The following BCAS3 variants were observed in gnomAD, a reference collection of about 807,000 sequenced individuals.
BCAS3 encodes the protein BCAS3 microtubule associated cell migration factor.
In BCAS3, 53 loss-of-function variants were observed where a neutral mutation model predicts 116.1. That is an observed-to-expected ratio of 0.46 (90% CI 0.37 to 0.57). The LOEUF is 0.57. Ranked by LOEUF, BCAS3 falls within the 20% of genes least tolerant of loss-of-function variation. The pLI is 0.00. For missense variants in BCAS3, 917 were observed against 1,165.4 expected, an observed-to-expected ratio of 0.79 and a Z score of 3.10; for synonymous variants, 391 against 408.2, an observed-to-expected ratio of 0.96 and a Z score of 0.51.
intron 14 of BCAS3, 110 bp from the exon 15 acceptor site, chr17:60,989,861 C>T: frequency 1.7e-6 from 2 of 1,177,984 alleles, no homozygotes; most frequent in Non-Finnish European, 2.4e-6. Flanking sequence ...ATCTTAGGTA[C>T]ATTTGGTAAT....
intron 14 of BCAS3, among the ~76,000 whole-genome samples, chr17:60,952,520 A>G (rs1021262889): frequency 3.9e-5 from 6 of 151,912 alleles, no homozygotes; most frequent in Non-Finnish European, 8.8e-5. Context: ...GGGTTTCACT[A>G]TGTTGGTCAG....
Position 60,983,277 on chromosome 17 carries a change from G to A in BCAS3, c.1222-6694G>A, listed in dbSNP as rs540489095. On this transcript the variant is annotated intron_variant, in intron 14 of 23. Coordinates refer to ENST00000407086, the MANE Select transcript of BCAS3 (RefSeq NM_017679.5). ...TTACAAATAACATTCCATAATTGAGGTCCAAAAATCATGCAGATAATGTCA... is the reference window on the plus strand; with the variant it reads ...TTACAAATAACATTCCATAATTGAGATCCAAAAATCATGCAGATAATGTCA... Among the ~76,000 whole-genome samples the A allele has an allele frequency of 8.5e-5, 13 of 152,060 alleles. 1 individual carries two copies. In the South Asian group the frequency reaches 2.7e-3, roughly 32 times the overall value.
At position 61,013,490 on chromosome 17, in the gene BCAS3, A is replaced by G. The variant is rs1465755888; in HGVS notation, c.1487-2261A>G. ...ATAAATTACTTCGAATGGCTTAACT[A>G]TGAAGCAGTTTTTCTCATTTCTTCC... On this transcript the variant is annotated intron_variant, in intron 15 of 23. Coordinates refer to ENST00000407086, the MANE Select transcript of BCAS3 (RefSeq NM_017679.5). This position sits in a 1 kb window ranked among gnomAD's most constrained non-coding sequence, Gnocchi z 4.4. Among the ~76,000 whole-genome samples the G allele has an allele frequency of 2.0e-5, 3 of 152,132 alleles. No individual in the cohort carries two copies. Among genetic ancestry groups the G allele is most frequent in the Non-Finnish European group, 2.9e-5 (2 of 67,980 alleles).
At chr17:61,359,828 C>G (rs958989390) in intron 22 of BCAS3, among the ~76,000 whole-genome samples, 7 of 152,100 alleles carry the variant, frequency 4.6e-5, no homozygotes, top group African/African-American at 1.7e-4. Context: ...GCTACCCTGA[C>G]TCAGTTAGAC....
At chr17:61,238,629 T>C (rs966721376) in intron 22 of BCAS3, among the ~76,000 whole-genome samples, 3 of 152,198 alleles carry the variant, frequency 2.0e-5, no homozygotes, top group Admixed American at 1.3e-4. Context: ...GCAGGTCTTA[T>C]GTCTTTATGG....
At chr17:61,152,899 T>A (rs777302085) in intron 22 of BCAS3, among the ~76,000 whole-genome samples, 2 of 152,208 alleles carry the variant, frequency 1.3e-5, no homozygotes, top group Non-Finnish European at 1.5e-5. Context: ...TCCCTTATTG[T>A]TAAACTGTTA....
At chr17:61,212,861 A>G (rs1387082658) in intron 22 of BCAS3, among the ~76,000 whole-genome samples, 1 of 152,182 alleles carries the variant, frequency 6.6e-6, no homozygotes, top group East Asian at 1.9e-4. Context: ...GCATTTGGTT[A>G]GCATCGTTCC....
intron 4 of BCAS3, among the ~76,000 whole-genome samples, chr17:60,694,230 T>A (rs1287858420): frequency 6.8e-6 from 1 of 147,594 alleles, no homozygotes; most frequent in Non-Finnish European, 1.5e-5. Context: ...TGGCTGGGCG[T>A]GGTGGCTCAT....
rs1323490161 is a variant in BCAS3 at position 60,740,539 on chromosome 17, A to G, written c.322-6659A>G. 2.0e-5 allele frequency among the ~76,000 whole-genome samples: 3 copies of G among 151,340 alleles called. No homozygotes were observed. The East Asian group carries it at 5.8e-4, about 29-fold the overall frequency. ...AAGAAAAAAGAAAAAAAAGGAGGAT[A>G]TGATGTATTGGGTAAAAGGAACTAT... On this transcript the variant is annotated intron_variant, in intron 5 of 23. Transcript: ENST00000407086.
At chr17:60,816,631 A>G (rs1446338871) in intron 7 of BCAS3, among the ~76,000 whole-genome samples, 2 of 152,162 alleles carry the variant, frequency 1.3e-5, no homozygotes, top group African/African-American at 2.4e-5. Flanking sequence ...ATTGCTATGG[A>G]AAGTGTCAGT....
At chr17:60,762,843 C>A (rs2043677906) in intron 6 of BCAS3, among the ~76,000 whole-genome samples, 1 of 151,710 alleles carries the variant, frequency 6.6e-6, no homozygotes, top group Non-Finnish European at 1.5e-5. Flanking sequence ...ATGGAATGTT[C>A]TTCCATTTGT....
intron 22 of BCAS3, among the ~76,000 whole-genome samples, chr17:61,160,570 ATTTG>A (rs1482281033): frequency 6.6e-6 from 1 of 152,174 alleles, no homozygotes; most frequent in Non-Finnish European, 1.5e-5. Context: ...TGAGTACACC[ATTTG>A]TTTTTTCTAA....
At chr17:61,046,048 ATATATATATTATATATATATAAT>A (rs2068243296) in intron 19 of BCAS3, among the ~76,000 whole-genome samples, 1 of 17,384 alleles carries the variant, frequency 5.8e-5, no homozygotes, top group Non-Finnish European at 8.0e-5. Flanking sequence ...TATATATATA[ATATATATATTATATATATATAAT>A]ATATATATAT....
Position 61,388,630 on chromosome 17 carries a change from G to GAA in BCAS3, c.2594-3338_2594-3337dup. 1.5e-6 allele frequency: 2 copies of GAA among 1,370,558 alleles called. No homozygotes were observed. Among genetic ancestry groups the GAA allele is most frequent in the Admixed American group, 2.2e-5 (1 of 44,712 alleles). The allele number at this position is 1,370,558 out of a possible 1,614,324, so 84.9% of individuals were successfully genotyped here. ...TTCTTTTCAAAAGGGAAAAAAAAAGGAAAAAAAAAACAATGCCAACAGCCC... is the reference window on the plus strand; with the variant it reads ...TTCTTTTCAAAAGGGAAAAAAAAAGGAAAAAAAAAAAACAATGCCAACAGCCC... On this transcript the variant is annotated intron_variant, in intron 23 of 23. Coordinates refer to ENST00000407086, the MANE Select transcript of BCAS3 (RefSeq NM_017679.5). The surrounding 1 kb of genome is among the most constrained non-coding windows in gnomAD (Gnocchi z 6.5).
chr17:60,732,979 A>G (rs1251430881), intron 5 of BCAS3, among the ~76,000 whole-genome samples: 1 of 152,218 alleles, frequency 6.6e-6, no homozygotes, highest in Non-Finnish European at 1.5e-5. Flanking sequence ...ACATTATGCT[A>G]AATAACATTA....
chr17:61,096,505 C>G (rs1395027285), intron 22 of BCAS3, among the ~76,000 whole-genome samples: 1 of 152,102 alleles, frequency 6.6e-6, no homozygotes, highest in Admixed American at 6.6e-5. Context: ...TACAGTGAGC[C>G]AAGGCTGCAT....
At position 61,368,024 on chromosome 17, in the gene BCAS3, G is replaced by A; in HGVS notation, c.2426-303G>A. ...TCCGTTTGGGTTGAACCTGGGAAGG[G>A]GGTTGCCTTCCCCGTCCCACTTCTT... On this transcript the variant is annotated intron_variant, in intron 22 of 23. Transcript: ENST00000407086. The surrounding 1 kb of genome is among the most constrained non-coding windows in gnomAD (Gnocchi z 6.0). 7.8e-6 allele frequency: 2 copies of A among 256,480 alleles called. No homozygotes were observed. The highest frequency in any genetic ancestry group is 1.5e-5 in the Non-Finnish European group (2 of 135,760). 15.9% of individuals were successfully genotyped at this position (256,480 alleles called of 1,614,324 possible).
chr17:61,299,162 G>A (rs1438379141), intron 22 of BCAS3, among the ~76,000 whole-genome samples: 3 of 151,748 alleles, frequency 2.0e-5, no homozygotes, highest in Non-Finnish European at 4.4e-5. Context: ...AGATTCTGAG[G>A]GCCGGGCACA....
chr17:60,704,760 C>G (rs1033848398), intron 4 of BCAS3, among the ~76,000 whole-genome samples: 4 of 151,586 alleles, frequency 2.6e-5, no homozygotes, highest in African/African-American at 4.8e-5. Flanking sequence ...ATCGCTTGGA[C>G]CAGGGAGGCA....
Sources: gnomAD v4.1 joint callset for allele counts (sites outside exome capture counted in the v4.1 genomes callset) on GRCh38, gnomAD v4.1.1 for gene constraint, Gnocchi (gnomAD v3.1) non-coding constraint, MANE v1.5 for transcripts, NCBI Gene and HGNC (gene_info 2026-07-23, HGNC 2026-07-21) for gene names.